CANT1: variants seen among roughly 807,000 people sequenced by gnomAD.
CANT1 encodes soluble calcium-activated nucleotidase 1.
Under a neutral mutation model 30.0 loss-of-function variants are expected in CANT1, and 26 were observed. That is an observed-to-expected ratio of 0.87 (90% CI 0.64 to 1.20). The LOEUF (loss-of-function observed/expected upper bound fraction) is 1.20. Among genes scored for constraint, CANT1 ranks in the 50% most tolerant of loss-of-function variants. The probability of loss-of-function intolerance (pLI) is 0.00; values close to 1 mark genes in which losing one functional copy is unlikely to be tolerated. For missense variants in CANT1, 518 were observed against 563.0 expected (o/e 0.92, Z 0.81); for synonymous variants, 246 against 251.8 (o/e 0.98, Z 0.22).
chr17:78,997,069 C>G lies in CANT1; in HGVS notation c.554G>C (p.Gly185Ala), dbSNP rs1413843876. Residue 185 changes from glycine to alanine, a missense_variant, in exon 3 of 5, where the codon GGG becomes GCG. By Grantham distance (60) the Gly-to-Ala change is moderately conservative (BLOSUM62 0). Transcript: ENST00000392446. This position sits in a 1 kb window ranked among gnomAD's most constrained non-coding sequence, Gnocchi z 7.5. ...GCTGCCTTCGATCTGGTAGACGACCCCCGTCCGGTCATCCACGGAGTAGAG... is the reference window on the plus strand; with the variant it reads ...GCTGCCTTCGATCTGGTAGACGACCGCCGTCCGGTCATCCACGGAGTAGAG... Reference protein sequence around the residue: ...GKLYSVDDRTGVVYQIEGSKA... With the variant: ...GKLYSVDDRTAVVYQIEGSKA... 1.2e-6 allele frequency: 2 copies of G among 1,614,086 alleles called. No individual in the cohort carries two copies.
rs1400286479 is a variant in CANT1 at position 79,002,421 on chromosome 17, C to T, written c.-146-4458G>A. Among the ~76,000 whole-genome samples, 1 of 152,182 alleles carries T rather than the reference C, an allele frequency of 6.6e-6. No individual in the cohort carries two copies. The highest frequency in any genetic ancestry group is 1.5e-5 in the Non-Finnish European group (1 of 68,014). ...GCTGGGAGGGTTGCAAACTACCACC[C>T]GTGGGCCAAATGCAGTCTCCCGCCT... On this transcript the variant is annotated intron_variant, in intron 1 of 4. Transcript: ENST00000392446. The surrounding 1 kb of genome is among the most constrained non-coding windows in gnomAD (Gnocchi z 4.0).
Position 78,992,152 on chromosome 17 carries a change from C to CG in CANT1, c.*1397dup, listed in dbSNP as rs1215768467. 4.3e-6 allele frequency: 1 copy of CG among 232,208 alleles called. No individual in the cohort carries two copies. Among genetic ancestry groups the CG allele is most frequent in the Non-Finnish European group, 8.5e-6 (1 of 117,542 alleles). 14.4% of individuals were successfully genotyped at this position (232,208 alleles called of 1,614,324 possible). ...GCTTCCTCCACTACCTATGACATAG[C>CG]GGGGGAAAGAGACAACCATGAGAGA... On this transcript the variant is annotated 3_prime_UTR_variant, in exon 5 of 5. Coordinates refer to ENST00000392446, the MANE Select transcript of CANT1 (RefSeq NM_001159773.2).
rs750853920 is a variant in CANT1 at position 78,992,016 on chromosome 17, C to T, written c.*1534G>A. 6 of 231,046 alleles carry T rather than the reference C, an allele frequency of 2.6e-5. No individual in the cohort carries two copies. Among genetic ancestry groups the T allele is most frequent in the Non-Finnish European group, 5.1e-5 (6 of 116,780 alleles). 14.3% of individuals were successfully genotyped at this position (231,046 alleles called of 1,614,324 possible). A position where few individuals can be genotyped will look rare whatever the true frequency, so the allele number is the denominator to read the frequency against. On this transcript the variant is annotated 3_prime_UTR_variant, in exon 5 of 5. Coordinates refer to ENST00000392446, the MANE Select transcript of CANT1 (RefSeq NM_001159773.2). ...ACATCAAGGACAATGATCTAGGAGGCGGGTCAAGGAGACAGCCAGGCAAAG... is the reference window on the plus strand; with the variant it reads ...ACATCAAGGACAATGATCTAGGAGGTGGGTCAAGGAGACAGCCAGGCAAAG...
rs767324424 is a variant in CANT1, at chr17:78,995,152, G to A, written c.701C>T (p.Thr234Met). Residue 234 changes from threonine to methionine, a missense_variant, in exon 4 of 5, where the codon ACG becomes ATG. Transcript: ENST00000392446. This position sits in a 1 kb window ranked among gnomAD's most constrained non-coding sequence, Gnocchi z 5.7. ...LYVGGLGKEW[T>M]TTTGDVVNEN... is the part of the protein sequence containing the mutation. ...GTTCACCACATCACCCGTAGTGGTC[G>A]TCCACTCCTTGCCCAGGCCGCCCAC... 10 of 1,613,804 alleles carry A rather than the reference G, an allele frequency of 6.2e-6. No homozygotes were observed. Among genetic ancestry groups the A allele is most frequent in the South Asian group, 2.2e-5 (2 of 91,080 alleles).
Position 78,993,314 on chromosome 17 carries a change from G to A in CANT1, c.*236C>T. ...CCAGTTAGGCAGGCCTTGAGTCAATGCCTGAAGTGACCGAAATCACCACCA... is the reference window on the plus strand; with the variant it reads ...CCAGTTAGGCAGGCCTTGAGTCAATACCTGAAGTGACCGAAATCACCACCA... On this transcript the variant is annotated 3_prime_UTR_variant, in exon 5 of 5. Coordinates refer to ENST00000392446, the MANE Select transcript of CANT1 (RefSeq NM_001159773.2). This position sits in a 1 kb window ranked among gnomAD's most constrained non-coding sequence, Gnocchi z 4.5. The A allele has an allele frequency of 1.7e-6, 1 of 578,434 alleles. No homozygotes were observed. Among genetic ancestry groups the A allele is most frequent in the Non-Finnish European group, 3.1e-6 (1 of 325,698 alleles). 35.8% of individuals were successfully genotyped at this position (578,434 alleles called of 1,614,324 possible). A position where few individuals can be genotyped will look rare whatever the true frequency, so the allele number is the denominator to read the frequency against.
At position 78,992,268 on chromosome 17, in the gene CANT1, C is replaced by T. The variant is rs2070865864; in HGVS notation, c.*1282G>A. On this transcript the variant is annotated 3_prime_UTR_variant, in exon 5 of 5. Transcript: ENST00000392446. The stretch of plus-strand genomic sequence containing the variant: ...GGACCGGCACAGGGACAGCCAGAGC[C>T]GGCACCCTCCGGCCCACCGTGGCAC... 2 of 230,884 alleles carry T rather than the reference C, an allele frequency of 8.7e-6. No individual in the cohort carries two copies. Among genetic ancestry groups the T allele is most frequent in the Admixed American group, 5.5e-5 (1 of 18,252 alleles). 14.3% of individuals were successfully genotyped at this position (230,884 alleles called of 1,614,324 possible).
chr17:79,006,649 C>G (rs979142666), intron 1 of CANT1, among the ~76,000 whole-genome samples: 2 of 152,282 alleles, frequency 1.3e-5, no homozygotes, highest in East Asian at 1.9e-4. Flanking sequence ...TTTGTATCAT[C>G]GATGTTACAC....
At chr17:79,003,447 C>T (rs941701950) in intron 1 of CANT1, among the ~76,000 whole-genome samples, 24 of 116,254 alleles carry the variant, frequency 2.1e-4, no homozygotes, top group Admixed American at 7.2e-4. Flanking sequence ...GGTTCTTTTT[C>T]GGGGGTGGGG....
chr17:78,997,641 G>T lies in CANT1; in HGVS notation c.-19C>A. On this transcript the variant is annotated 5_prime_UTR_variant, in exon 3 of 5. Transcript: ENST00000392446. The surrounding 1 kb of genome is among the most constrained non-coding windows in gnomAD (Gnocchi z 7.5). ...CGGGCATCAGCGTGACAGACAGGCG[G>T]GACCTGCACAGCCAGGGAGGGAGGA... 1 of 1,554,110 alleles carries T rather than the reference G, an allele frequency of 6.4e-7. No individual in the cohort carries two copies. The highest frequency in any genetic ancestry group is 1.2e-5 in the South Asian group (1 of 81,952).
rs1312362459 is a variant in CANT1, at chr17:79,009,755, G to A, written c.-238C>T. The A allele has an allele frequency of 6.6e-6, 1 of 151,678 alleles. No homozygotes were observed. The highest frequency in any genetic ancestry group is 1.5e-5 in the Non-Finnish European group (1 of 67,900). 9.4% of individuals were successfully genotyped at this position (151,678 alleles called of 1,614,324 possible). On this transcript the variant is annotated 5_prime_UTR_variant, in exon 1 of 5. Transcript: ENST00000392446. ...GGGCTAACGGCCGGGACGGAGGAAGGTGGCCGACTTCCGCCCCGCGCGCGC... is the reference window on the plus strand; with the variant it reads ...GGGCTAACGGCCGGGACGGAGGAAGATGGCCGACTTCCGCCCCGCGCGCGC...
chr17:78,997,167 C>T lies in CANT1; in HGVS notation c.456G>A (p.Gly152=), dbSNP rs868793043. 1 of 1,614,154 alleles carries T rather than the reference C, an allele frequency of 6.2e-7. No individual in the cohort carries two copies. The highest frequency in any genetic ancestry group is 1.3e-5 in the African/African-American group (1 of 75,066). ...KVAVEWDKDH[G]VLESHLAEKG... is the part of the protein sequence containing the mutation. Reference sequence around the variant, plus strand: ...TCTCCGCCAGGTGGGACTCCAGGACCCCATGGTCTTTGTCCCATTCCACGG... The same window carrying T: ...TCTCCGCCAGGTGGGACTCCAGGACTCCATGGTCTTTGTCCCATTCCACGG... The change falls in exon 3 of 5, where the codon GGG becomes GGA. Residue 152 remains glycine (G), a synonymous_variant. Transcript: ENST00000392446. This position sits in a 1 kb window ranked among gnomAD's most constrained non-coding sequence, Gnocchi z 7.5.
Position 79,002,814 on chromosome 17 carries a change from C to T in CANT1, c.-146-4851G>A, listed in dbSNP as rs542431614. The stretch of plus-strand genomic sequence containing the variant: ...CCATCTGAAGGACAAACGTCTCAGC[C>T]TGCAGAGAAAGCCTCAGTGGGTTTT... On this transcript the variant is annotated intron_variant, in intron 1 of 4. Transcript: ENST00000392446. The surrounding 1 kb of genome is among the most constrained non-coding windows in gnomAD (Gnocchi z 4.0). Among the ~76,000 whole-genome samples the T allele has an allele frequency of 1.6e-3, 238 of 152,356 alleles. No homozygotes were observed. Among genetic ancestry groups the T allele is most frequent in the Middle Eastern group, 0.014 (4 of 294 alleles).
intron 1 of CANT1, among the ~76,000 whole-genome samples, chr17:79,006,752 G>A (rs1004587699): frequency 2.0e-5 from 3 of 152,240 alleles, no homozygotes; most frequent in Non-Finnish European, 4.4e-5. Flanking sequence ...TTTCCAGAGT[G>A]TGTGAAAATA....
chr17:79,001,302 A>G (rs78136886), intron 1 of CANT1, among the ~76,000 whole-genome samples: 5,400 of 151,946 alleles, frequency 0.036, 113 homozygotes, highest in East Asian at 0.11. Flanking sequence ...CTCCCAGGAG[A>G]CCACTCTGTG....
Position 78,997,761 on chromosome 17 carries a change from A to C in CANT1, c.-23+79T>G. The C allele has an allele frequency of 1.2e-6, 1 of 846,752 alleles. No individual in the cohort carries two copies. The highest frequency in any genetic ancestry group is 1.7e-6 in the Non-Finnish European group (1 of 572,700). 52.5% of individuals were successfully genotyped at this position (846,752 alleles called of 1,614,324 possible). On this transcript the variant is annotated intron_variant, in intron 2 of 4. Transcript: ENST00000392446. The surrounding 1 kb of genome is among the most constrained non-coding windows in gnomAD (Gnocchi z 7.5). ...TTTCCAGAAGAAACAGTATTTCACT[A>C]CTCTGTGGCCATTCTTACTCCCTTG...
At position 78,992,776 on chromosome 17, in the gene CANT1, G is replaced by GTAAC; in HGVS notation, c.*770_*773dup. ...CTCCCGCACTGCTGGAGCGGGCTGG[G>GTAAC]TAACTACAGGACTGTGCTCTGTGTG... On this transcript the variant is annotated 3_prime_UTR_variant, in exon 5 of 5. Transcript: ENST00000392446. The GTAAC allele has an allele frequency of 1.7e-6, 1 of 580,490 alleles. No individual in the cohort carries two copies. 36.0% of individuals were successfully genotyped at this position (580,490 alleles called of 1,614,324 possible). A position where few individuals can be genotyped will look rare whatever the true frequency, so the allele number is the denominator to read the frequency against.
At chr17:79,009,026 G>C (rs116528488) in intron 1 of CANT1, among the ~76,000 whole-genome samples, 4,530 of 152,280 alleles carry the variant, frequency 0.03, 198 homozygotes, top group African/African-American at 0.099. Flanking sequence ...CAGAGGAGGG[G>C]TATTTGAAGT....
intron 1 of CANT1, chr17:79,005,499 G>C (rs2071517694): frequency 6.6e-6 from 1 of 152,130 alleles, no homozygotes; most frequent in African/African-American, 2.4e-5. Context: ...AGTGGAATAG[G>C]ACAGGTGGCA....
chr17:78,994,991 C>A, intron 4 of CANT1, 27 bp downstream of exon 4: 1 of 1,548,664 alleles, frequency 6.5e-7, no homozygotes, highest in Non-Finnish European at 8.7e-7. Context: ...GGAAGCCACA[C>A]TGTGGGCTGG....
Sources: gnomAD v4.1 joint callset for allele counts (sites outside exome capture counted in the v4.1 genomes callset) on GRCh38, gnomAD v4.1.1 for gene constraint, Gnocchi (gnomAD v3.1) non-coding constraint, MANE v1.5 for transcripts, NCBI Gene and HGNC (gene_info 2026-07-23, HGNC 2026-07-21) for gene names.